Variants in KPNA7 observed in about 807,000 individuals in gnomAD.
KPNA7 encodes the protein karyopherin subunit alpha 7.
KPNA7 carries 54 observed loss-of-function variants against 53.7 expected under a neutral mutation model. That is an observed-to-expected ratio of 1.01 (90% CI 0.81 to 1.26). The LOEUF is 1.26. Ranked by LOEUF, KPNA7 falls within the 50% of genes most tolerant of loss-of-function variation. KPNA7 has a pLI of 0.00. For synonymous variants in KPNA7, 276 were observed against 259.3 expected (o/e 1.06, Z -0.62); for missense variants, 640 against 644.5 (o/e 0.99, Z 0.07).
chr7:99,171,735 G>A (rs185777815), downstream of KPNA7, among the ~76,000 whole-genome samples: 62 of 152,270 alleles, frequency 4.1e-4, no homozygotes, highest in Middle Eastern at 3.4e-3. Context: ...CAGCCTGGGC[G>A]ACAGAGTAAG....
chr7:99,190,965 C>T (rs990834598), intron 6 of KPNA7, among the ~76,000 whole-genome samples: 3 of 151,974 alleles, frequency 2.0e-5, no homozygotes, highest in East Asian at 1.9e-4. Context: ...GTCTCCAACT[C>T]GCCTCAACTT....
intron 1 of KPNA7, among the ~76,000 whole-genome samples, chr7:99,216,539 T>C (rs1349724541): frequency 1.3e-5 from 2 of 149,136 alleles, no homozygotes; most frequent in Non-Finnish European, 3.0e-5. Context: ...CAAGGTCCCC[T>C]AGGCTCCCAA....
chr7:99,215,691 TAAGA>T (rs1791201538), intron 1 of KPNA7, among the ~76,000 whole-genome samples: 2 of 151,988 alleles, frequency 1.3e-5, no homozygotes, highest in Non-Finnish European at 2.9e-5. Flanking sequence ...GTTCTTTACT[TAAGA>T]AAGTGTTGAC....
intron 9 of KPNA7, 78 bp downstream of exon 9, chr7:99,181,805 A>G (rs1799282882): frequency 7.8e-7 from 1 of 1,276,144 alleles, no homozygotes; most frequent in Non-Finnish European, 1.0e-6. Context: ...GTACAACTTG[A>G]ATTTTAAGAG....
intron 6 of KPNA7, among the ~76,000 whole-genome samples, chr7:99,190,351 C>G (rs1031602316): frequency 7.4e-6 from 1 of 134,512 alleles, no homozygotes; most frequent in Non-Finnish European, 1.6e-5. Flanking sequence ...AAAAAAAAAG[C>G]AGAAAAAAAA....
upstream of KPNA7, among the ~76,000 whole-genome samples, chr7:99,209,704 A>AAAT (rs1563091971): frequency 7.7e-3 from 1,104 of 142,782 alleles, 14 homozygotes; most frequent in African/African-American, 0.027. Flanking sequence ...AAAAAAAAAA[A>AAAT]AAAAAAGAAA....
chr7:99,195,294 A>G lies in KPNA7; in HGVS notation c.329T>C (p.Ile110Thr). 1 of 1,551,682 alleles carries G rather than the reference A, an allele frequency of 6.4e-7. No homozygotes were observed. The highest frequency in any genetic ancestry group is 2.4e-5 in the East Asian group (1 of 40,918). The change falls in exon 5 of 11, where the codon ATT (isoleucine) becomes ACT (threonine). Residue 110 changes from isoleucine (I) to threonine (T), a missense_variant. Coordinates refer to ENST00000327442, the MANE Select transcript of KPNA7 (RefSeq NM_001145715.3). Reference protein sequence around the residue: ...QEKNPPLKLVIEAGLIPRMVE... With the variant: ...QEKNPPLKLVTEAGLIPRMVE... ...CATCCTGGGAATGAGGCCCGCTTCAATGACCAGTTTCAGAGGGGGGTTCTT... is the reference window on the plus strand; with the variant it reads ...CATCCTGGGAATGAGGCCCGCTTCAGTGACCAGTTTCAGAGGGGGGTTCTT...
At chr7:99,171,721 A>G (rs1449105415), downstream of KPNA7, among the ~76,000 whole-genome samples, 1 of 152,132 alleles carries the variant, frequency 6.6e-6, no homozygotes, top group African/African-American at 2.4e-5. Context: ...GTTCCACTGC[A>G]CTCCAGCCTG....
At chr7:99,151,084 G>A in the KPNA7 span, among the ~76,000 whole-genome samples, 2 of 152,172 alleles carry the variant, frequency 1.3e-5, no homozygotes, top group African/African-American at 4.8e-5. Flanking sequence ...GTGTGAGGGA[G>A]GGATGCTAGG....
chr7:99,152,357 C>CAAA, the KPNA7 span, among the ~76,000 whole-genome samples: 2 of 103,180 alleles, frequency 1.9e-5, no homozygotes, highest in East Asian at 2.9e-4. Context: ...GACTCCGTCT[C>CAAA]AAAAAAAAAA....
intron 9 of KPNA7, among the ~76,000 whole-genome samples, chr7:99,179,300 T>C (rs1212322759): frequency 6.6e-6 from 1 of 151,908 alleles, no homozygotes; most frequent in African/African-American, 2.4e-5. Context: ...CCCATTCCTG[T>C]AATCCCAGCA....
intron 7 of KPNA7, among the ~76,000 whole-genome samples, chr7:99,187,326 A>G (rs781242929): frequency 7.2e-5 from 11 of 152,090 alleles, no homozygotes; most frequent in African/African-American, 9.7e-5. Flanking sequence ...AGCAATTAGT[A>G]ATGGTTTTAC....
At chr7:99,151,271 T>C in the KPNA7 span, among the ~76,000 whole-genome samples, 1 of 152,154 alleles carries the variant, frequency 6.6e-6, no homozygotes. Context: ...AGGACTTCTC[T>C]GAACCTAGTC....
At chr7:99,203,309 TG>T (rs1274935244) in intron 2 of KPNA7, 69 bp from the exon 3 acceptor site, 6 of 1,473,292 alleles carry the variant, frequency 4.1e-6, no homozygotes, top group Non-Finnish European at 4.6e-6. Context: ...CTGTCAAACA[TG>T]TTTCAAAGCA....
At chr7:99,161,004 G>A in the KPNA7 span, among the ~76,000 whole-genome samples, 56 of 152,118 alleles carry the variant, frequency 3.7e-4, no homozygotes, top group Non-Finnish European at 6.6e-4. Flanking sequence ...GGGACTACAG[G>A]CATGTGCCAC....
chr7:99,219,068 G>A (rs1345240656), intron 1 of KPNA7, among the ~76,000 whole-genome samples: 8 of 152,210 alleles, frequency 5.3e-5, no homozygotes, highest in African/African-American at 1.4e-4. Flanking sequence ...CTACCCCCAC[G>A]CCGATGGTTC....
chr7:99,187,975 A>G (rs1041200284), intron 7 of KPNA7, among the ~76,000 whole-genome samples: 4 of 151,330 alleles, frequency 2.6e-5, no homozygotes, highest in African/African-American at 9.7e-5. Flanking sequence ...CAGGAGTTCG[A>G]GACTAGCCTG....
At chr7:99,167,845 C>T in the KPNA7 span, among the ~76,000 whole-genome samples, 1 of 151,918 alleles carries the variant, frequency 6.6e-6, no homozygotes, top group Non-Finnish European at 1.5e-5. Context: ...ATGGGACCAC[C>T]TAGTTGCAGG....
chr7:99,178,497 G>C (rs905984000), intron 9 of KPNA7, among the ~76,000 whole-genome samples: 1 of 152,010 alleles, frequency 6.6e-6, no homozygotes, highest in Admixed American at 6.6e-5. Context: ...TGAACCAGGA[G>C]GCAGAGGTTG....
Sources: allele counts gnomAD v4.1 joint callset (sites outside exome capture counted in the v4.1 genomes callset), GRCh38; gene constraint gnomAD v4.1.1; transcripts MANE v1.5; gene names NCBI Gene and HGNC (gene_info 2026-07-23, HGNC 2026-07-21).